Variants in DTWD2 observed in about 807,000 individuals in gnomAD.
DTWD2 encodes the protein DTW motif tRNA-uridine aminocarboxypropyltransferase 2.
DTWD2 carries 39 observed loss-of-function variants against 31.8 expected under a neutral mutation model. The observed-to-expected ratio is 1.22, with a 90% CI of 0.95 to 1.60. DTWD2 has a LOEUF of 1.60. Among genes scored for constraint, DTWD2 ranks in the 40% most tolerant of loss-of-function variants. DTWD2 has a pLI of 0.00. For synonymous variants in DTWD2, 180 were observed against 142.8 expected, an observed-to-expected ratio of 1.26 and a Z score of -1.86; for missense variants, 515 against 381.5, an observed-to-expected ratio of 1.35 and a Z score of -2.92.
chr5:118,953,316 C>T (rs1056409128), intron 1 of DTWD2, among the ~76,000 whole-genome samples: 2 of 152,140 alleles, frequency 1.3e-5, no homozygotes, highest in Non-Finnish European at 2.9e-5. Flanking sequence ...TACATCCTGC[C>T]CACTTACCCA....
chr5:118,860,953 T>G (rs1353172563), intron 4 of DTWD2, among the ~76,000 whole-genome samples: 1 of 152,212 alleles, frequency 6.6e-6, no homozygotes, highest in Non-Finnish European at 1.5e-5. Context: ...CACATCCATT[T>G]TGGGGTAAGC....
At position 118,970,037 on chromosome 5, in the gene DTWD2, T is replaced by C. The variant is rs1754948781; in HGVS notation, c.218+18257A>G. On this transcript the variant is annotated intron_variant, in intron 1 of 5. Coordinates refer to ENST00000510708, the MANE Select transcript of DTWD2 (RefSeq NM_173666.4). Reference sequence around the variant, plus strand: ...ACAATATAAGAAATTCACAATGCAATCACAAGTATCAACAGCAAAATAGAC... The same window carrying C: ...ACAATATAAGAAATTCACAATGCAACCACAAGTATCAACAGCAAAATAGAC... Among the ~76,000 whole-genome samples the C allele has an allele frequency of 3.3e-5, 5 of 152,074 alleles. No homozygotes were observed. The South Asian group carries it at 1.0e-3, about 32-fold the overall frequency.
chr5:118,930,533 A>C (rs1753900185), intron 3 of DTWD2, among the ~76,000 whole-genome samples: 1 of 152,108 alleles, frequency 6.6e-6, no homozygotes, highest in East Asian at 1.9e-4. Context: ...ACACTCCAAA[A>C]ACCAGAGGAA....
intron 1 of DTWD2, among the ~76,000 whole-genome samples, chr5:118,949,526 T>C (rs760536157): frequency 8.5e-5 from 13 of 152,102 alleles, no homozygotes; most frequent in Non-Finnish European, 1.5e-4. Context: ...GGTTTTTGGA[T>C]GGGTAAAATG....
chr5:118,986,901 C>T (rs913468981), intron 1 of DTWD2, among the ~76,000 whole-genome samples: 7 of 151,964 alleles, frequency 4.6e-5, no homozygotes, highest in Non-Finnish European at 1.0e-4. Context: ...CAGAAATAAG[C>T]AAAGTGCAGA....
At chr5:118,852,112 G>A (rs956231053) in intron 4 of DTWD2, among the ~76,000 whole-genome samples, 1 of 152,078 alleles carries the variant, frequency 6.6e-6, no homozygotes, top group Non-Finnish European at 1.5e-5. Flanking sequence ...TCTCCTACTT[G>A]CACCTCCGTT....
chr5:118,906,259 T>C (rs1413119061), intron 4 of DTWD2, among the ~76,000 whole-genome samples: 2 of 152,164 alleles, frequency 1.3e-5, no homozygotes, highest in African/African-American at 4.8e-5. Context: ...TGTAAAATGT[T>C]AAATACTACA....
intron 4 of DTWD2, among the ~76,000 whole-genome samples, chr5:118,858,638 C>G (rs1752191847): frequency 6.6e-6 from 1 of 152,142 alleles, no homozygotes; most frequent in Non-Finnish European, 1.5e-5. Flanking sequence ...ACCCCTAGTT[C>G]CTTGCTCTTT....
Position 118,929,490 on chromosome 5 carries a change from T to A in DTWD2, c.405-761A>T, listed in dbSNP as rs1425299800. 6.4e-5 allele frequency among the ~76,000 whole-genome samples: 6 copies of A among 93,766 alleles called. No homozygotes were observed. In the South Asian group the frequency reaches 2.5e-3, roughly 39 times the overall value. The allele number at this position is 93,766 out of a possible 152,430, so 61.5% of individuals were successfully genotyped here. A position where few individuals can be genotyped will look rare whatever the true frequency, so the allele number is the denominator to read the frequency against. ...TGCTGATTTCTGTACGTCACTTCCC[T>A]TTTTTTTTTTTTGTCCACAAATTTG... On this transcript the variant is annotated intron_variant, in intron 3 of 5. Transcript: ENST00000510708.
chr5:118,917,764 G>C (rs1002580707), intron 4 of DTWD2, among the ~76,000 whole-genome samples: 6 of 152,184 alleles, frequency 3.9e-5, no homozygotes, highest in African/African-American at 1.2e-4. Context: ...TTGAGGTCAA[G>C]AGTTCGAGAC....
intron 1 of DTWD2, among the ~76,000 whole-genome samples, chr5:118,966,907 G>GT (rs1294261729): frequency 6.6e-6 from 1 of 151,978 alleles, no homozygotes; most frequent in African/African-American, 2.4e-5. Context: ...GCAGGTGCCT[G>GT]TAAGTCCCAG....
At chr5:118,846,990 T>G (rs1417569218) in intron 5 of DTWD2, among the ~76,000 whole-genome samples, 1 of 150,492 alleles carries the variant, frequency 6.6e-6, no homozygotes, top group Admixed American at 6.6e-5. Context: ...CCTAGTTTTT[T>G]CAAAAGAAGA....
chr5:118,909,405 C>G (rs565271182), intron 4 of DTWD2, among the ~76,000 whole-genome samples: 73 of 152,322 alleles, frequency 4.8e-4, no homozygotes, highest in Admixed American at 1.8e-3. Flanking sequence ...ACTGAGGAAA[C>G]CAATAGCCAG....
chr5:118,946,123 A>C (rs2149586829), intron 1 of DTWD2, among the ~76,000 whole-genome samples: 1 of 152,338 alleles, frequency 6.6e-6, no homozygotes, highest in Non-Finnish European at 1.5e-5. Flanking sequence ...GAAATTATCT[A>C]GATATCTTAG....
At chr5:118,970,778 T>G (rs965606802) in intron 1 of DTWD2, among the ~76,000 whole-genome samples, 3 of 152,146 alleles carry the variant, frequency 2.0e-5, no homozygotes, top group Non-Finnish European at 4.4e-5. Flanking sequence ...TCCATCAGAC[T>G]AAAAGCAAAA....
intron 4 of DTWD2, among the ~76,000 whole-genome samples, chr5:118,881,537 G>T (rs555684558): frequency 5.5e-4 from 84 of 152,238 alleles, no homozygotes; most frequent in African/African-American, 1.9e-3. Flanking sequence ...ACTGGTCTTA[G>T]AGGATGTATT....
At chr5:118,936,329 A>C (rs561057977) in intron 3 of DTWD2, among the ~76,000 whole-genome samples, 1 of 152,162 alleles carries the variant, frequency 6.6e-6, no homozygotes, top group Non-Finnish European at 1.5e-5. Flanking sequence ...CTTTGAGGCC[A>C]GGAGTTCAAG....
chr5:118,982,193 G>A (rs1326898602), intron 1 of DTWD2, among the ~76,000 whole-genome samples: 1 of 152,132 alleles, frequency 6.6e-6, no homozygotes, highest in Non-Finnish European at 1.5e-5. Context: ...GACTACATAA[G>A]CACTAATAGA....
At chr5:118,861,694 A>G (rs1752263192) in intron 4 of DTWD2, among the ~76,000 whole-genome samples, 1 of 152,236 alleles carries the variant, frequency 6.6e-6, no homozygotes, top group South Asian at 2.1e-4. Context: ...GGGATAAGGC[A>G]GAGACAGCAG....
Sources: allele counts gnomAD v4.1 joint callset (sites outside exome capture counted in the v4.1 genomes callset), GRCh38; gene constraint gnomAD v4.1.1; transcripts MANE v1.5; gene names NCBI Gene and HGNC (gene_info 2026-07-23, HGNC 2026-07-21).